Variants in VWC2L observed in about 807,000 individuals in gnomAD.
The protein encoded by VWC2L is von Willebrand factor C domain-containing protein 2-like.
A neutral mutation model predicts 21.6 loss-of-function variants in VWC2L; 10 were observed. The ratio of observed to expected loss-of-function variants is 0.46; its 90% CI spans 0.29 to 0.78. VWC2L has a LOEUF of 0.78. Ranked by LOEUF, VWC2L falls within the 30% of genes least tolerant of loss-of-function variation. The probability of loss-of-function intolerance (pLI) is 0.10; values close to 1 mark genes in which losing one functional copy is unlikely to be tolerated. For missense variants in VWC2L, 209 were observed against 277.1 expected (o/e 0.75, Z 1.74); for synonymous variants, 96 against 94.3 (o/e 1.02, Z -0.10).
At chr2:214,470,954 C>T (rs1161526729) in intron 3 of VWC2L, among the ~76,000 whole-genome samples, 3 of 140,426 alleles carry the variant, frequency 2.1e-5, no homozygotes, top group South Asian at 2.2e-4. Flanking sequence ...GATAGGTGAT[C>T]GCGTAATGGG....
At chr2:214,448,512 C>T (rs1291328891) in intron 3 of VWC2L, among the ~76,000 whole-genome samples, 1 of 152,182 alleles carries the variant, frequency 6.6e-6, no homozygotes, top group Non-Finnish European at 1.5e-5. Context: ...CACATATTAA[C>T]TGATAGGAGG....
At chr2:214,496,802 C>T (rs1688819492) in intron 3 of VWC2L, among the ~76,000 whole-genome samples, 1 of 152,150 alleles carries the variant, frequency 6.6e-6, no homozygotes, top group African/African-American at 2.4e-5. Flanking sequence ...CTATTCTCAC[C>T]AGACGCTTGG....
At chr2:214,473,377 G>T (rs960640821) in intron 3 of VWC2L, among the ~76,000 whole-genome samples, 5 of 152,124 alleles carry the variant, frequency 3.3e-5, no homozygotes, top group Non-Finnish European at 2.9e-5. Flanking sequence ...TCATATAAAG[G>T]CCTAAATAGG....
At chr2:214,524,349 C>G (rs1376698448) in intron 3 of VWC2L, among the ~76,000 whole-genome samples, 1 of 152,122 alleles carries the variant, frequency 6.6e-6, no homozygotes, top group Non-Finnish European at 1.5e-5. Context: ...CTAAAGATGA[C>G]CAGGTCTGTT....
At chr2:214,517,457 T>G (rs569506655) in intron 3 of VWC2L, among the ~76,000 whole-genome samples, 2 of 152,290 alleles carry the variant, frequency 1.3e-5, no homozygotes, top group East Asian at 3.9e-4. Context: ...GAACTCATAT[T>G]GCCCAAGCCA....
At chr2:214,554,620 G>A (rs542018629) in intron 3 of VWC2L, among the ~76,000 whole-genome samples, 9 of 152,210 alleles carry the variant, frequency 5.9e-5, no homozygotes, top group Non-Finnish European at 1.2e-4. Context: ...CCAAGATCAC[G>A]CCATTGCACT....
At position 214,575,936 on chromosome 2, in the gene VWC2L, G is replaced by A; in HGVS notation, c.*116G>A. On this transcript the variant is annotated 3_prime_UTR_variant, in exon 4 of 4. Coordinates refer to ENST00000312504, the MANE Select transcript of VWC2L (RefSeq NM_001080500.4). ...CCTGCCAGCTACAACAGGGTCACCA[G>A]CAAAACTTTCTAGGGTTGACAAAAG... 8.0e-7 allele frequency: 1 copy of A among 1,248,366 alleles called. No homozygotes were observed. Among genetic ancestry groups the A allele is most frequent in the Non-Finnish European group, 1.1e-6 (1 of 912,174 alleles). The allele number at this position is 1,248,366 out of a possible 1,614,324, so 77.3% of individuals were successfully genotyped here. A position where few individuals can be genotyped will look rare whatever the true frequency, so the allele number is the denominator to read the frequency against.
At chr2:214,483,405 C>G (rs1688633071) in intron 3 of VWC2L, among the ~76,000 whole-genome samples, 1 of 150,512 alleles carries the variant, frequency 6.6e-6, no homozygotes, top group Admixed American at 6.6e-5. Flanking sequence ...AATAATGTAT[C>G]TGGCAAAAGC....
chr2:214,493,569 TG>T (rs1382284626), intron 3 of VWC2L, among the ~76,000 whole-genome samples: 4 of 152,164 alleles, frequency 2.6e-5, no homozygotes, highest in Non-Finnish European at 4.4e-5. Context: ...TGGCCACTAT[TG>T]GTTTTCTATC....
intron 3 of VWC2L, among the ~76,000 whole-genome samples, chr2:214,459,989 C>T (rs1484365719): frequency 7.3e-6 from 1 of 137,268 alleles, no homozygotes; most frequent in Non-Finnish European, 1.5e-5. Flanking sequence ...CTCACTGCAA[C>T]GTCCGTCTCC....
At chr2:214,542,810 A>T (rs77108660) in intron 3 of VWC2L, among the ~76,000 whole-genome samples, 2,806 of 152,246 alleles carry the variant, frequency 0.018, 92 homozygotes, top group African/African-American at 0.062. Flanking sequence ...ATACACTTTC[A>T]TCAAAGACAT....
At chr2:214,567,307 A>G (rs1381017442) in intron 3 of VWC2L, among the ~76,000 whole-genome samples, 1 of 152,146 alleles carries the variant, frequency 6.6e-6, no homozygotes, top group African/African-American at 2.4e-5. Flanking sequence ...TGGGTCGACA[A>G]ACAACAGAGC....
intron 3 of VWC2L, among the ~76,000 whole-genome samples, chr2:214,453,457 G>T (rs1168874145): frequency 6.6e-6 from 1 of 152,026 alleles, no homozygotes; most frequent in African/African-American, 2.4e-5. Flanking sequence ...TAGGTTCTTT[G>T]ATTTTCTATC....
At chr2:214,412,845 A>G (rs1702298516) in intron 1 of VWC2L, among the ~76,000 whole-genome samples, 2 of 152,244 alleles carry the variant, frequency 1.3e-5, no homozygotes, top group South Asian at 4.1e-4. Flanking sequence ...TATAACATTT[A>G]TAACTGACCT....
intron 2 of VWC2L, chr2:214,436,053 A>G (rs1702673975): frequency 6.6e-6 from 1 of 152,164 alleles, no homozygotes; most frequent in South Asian, 2.1e-4. Flanking sequence ...TATTCACTAC[A>G]TCTTTCAAGA....
chr2:214,451,354 T>A (rs1702952759), intron 3 of VWC2L, among the ~76,000 whole-genome samples: 1 of 148,490 alleles, frequency 6.7e-6, no homozygotes, highest in South Asian at 2.1e-4. Flanking sequence ...ATCCAATGAC[T>A]ACCTGTGAGA....
chr2:214,469,828 C>T (rs879571127), intron 3 of VWC2L, among the ~76,000 whole-genome samples: 3 of 152,006 alleles, frequency 2.0e-5, no homozygotes, highest in Admixed American at 6.6e-5. Flanking sequence ...TGTTGAAGAG[C>T]GGACTAAGAA....
intron 2 of VWC2L, among the ~76,000 whole-genome samples, chr2:214,422,229 T>C (rs1193463499): frequency 6.6e-6 from 1 of 152,094 alleles, no homozygotes; most frequent in Non-Finnish European, 1.5e-5. Flanking sequence ...CTACATATCT[T>C]TGGCAAATTT....
At chr2:214,546,489 G>A (rs1689708902) in intron 3 of VWC2L, among the ~76,000 whole-genome samples, 1 of 152,032 alleles carries the variant, frequency 6.6e-6, no homozygotes, top group Non-Finnish European at 1.5e-5. Flanking sequence ...GAGTAATATT[G>A]CACTTCTATG....
Sources: gnomAD v4.1 joint callset for allele counts (sites outside exome capture counted in the v4.1 genomes callset) on GRCh38, gnomAD v4.1.1 for gene constraint, MANE v1.5 for transcripts, NCBI Gene and HGNC (gene_info 2026-07-23, HGNC 2026-07-21) for gene names.